KIAA1755: variants seen among roughly 807,000 people sequenced by gnomAD.
KIAA1755 encodes the protein uncharacterized protein KIAA1755.
In KIAA1755, 68 loss-of-function variants were observed where a neutral mutation model predicts 91.7. The observed-to-expected ratio is 0.74, with a 90% CI of 0.61 to 0.91. The LOEUF (loss-of-function observed/expected upper bound fraction) is 0.91. Among genes scored for constraint, KIAA1755 ranks in the 40% least tolerant of loss-of-function variants. The pLI, the probability that KIAA1755 is intolerant of heterozygous loss-of-function variation, is 0.00. For missense variants in KIAA1755, 1,535 were observed against 1,494.4 expected, an observed-to-expected ratio of 1.03 and a Z score of -0.45; for synonymous variants, 610 against 604.6, an observed-to-expected ratio of 1.01 and a Z score of -0.13.
At chr20:38,236,228 A>C (rs1002394799) in intron 4 of KIAA1755, among the ~76,000 whole-genome samples, 1 of 152,112 alleles carries the variant, frequency 6.6e-6, no homozygotes, top group Non-Finnish European at 1.5e-5. Flanking sequence ...GGGTGAGGGG[A>C]TGTGAAGTCA....
chr20:38,234,631 C>T (rs187192585), intron 4 of KIAA1755, among the ~76,000 whole-genome samples: 12 of 152,290 alleles, frequency 7.9e-5, no homozygotes, highest in South Asian at 2.1e-4. Context: ...TCCAAGGTCA[C>T]GCTGATGTAG....
intron 5 of KIAA1755, among the ~76,000 whole-genome samples, chr20:38,230,086 CCCCTCTAA>C (rs551308816): frequency 1.4e-4 from 21 of 152,318 alleles, no homozygotes; most frequent in Admixed American, 6.5e-4. Flanking sequence ...TGAGCAGCAT[CCCCTCTAA>C]GACTGCCCTG....
At chr20:38,243,185 G>A (rs371116584) in intron 2 of KIAA1755, among the ~76,000 whole-genome samples, 1 of 152,242 alleles carries the variant, frequency 6.6e-6, no homozygotes, top group Non-Finnish European at 1.5e-5. Context: ...GATGTGTGTA[G>A]GGGAGATGTA....
At position 38,241,389 on chromosome 20, in the gene KIAA1755, G is replaced by A; in HGVS notation, c.742C>T (p.Leu248Phe). The A allele has an allele frequency of 6.2e-7, 1 of 1,614,190 alleles. No individual in the cohort carries two copies. Among genetic ancestry groups the A allele is most frequent in the Admixed American group, 1.7e-5 (1 of 60,028 alleles). The change falls in exon 3 of 14, where the codon CTC becomes TTC. Residue 248 changes from leucine to phenylalanine, a missense_variant. Physicochemically the swap from Leu to Phe is conservative, Grantham distance 22. Transcript: ENST00000279024. ...CACCGGGCTTGCTCCACCTTGATGAGTCCTGGATACTTGCTCCCATATGTC... is the reference window on the plus strand; with the variant it reads ...CACCGGGCTTGCTCCACCTTGATGAATCCTGGATACTTGCTCCCATATGTC... ...GRTYGSKYPG[L>F]IKVEQARCGE...
At position 38,213,059 on chromosome 20, in the gene KIAA1755, G is replaced by C. The variant is rs759380183; in HGVS notation, c.3586C>G (p.Pro1196Ala). The change falls in exon 14 of 14, where the codon CCC (proline) becomes GCC (alanine). Residue 1196 changes from proline to alanine, a missense_variant. Transcript: ENST00000279024. ...CCTCTCAGCTAGAGGGAGGCAAGGGGACTTGTCTGGGGTGAGTCCTCAAGG... is the reference window on the plus strand; with the variant it reads ...CCTCTCAGCTAGAGGGAGGCAAGGGCACTTGTCTGGGGTGAGTCCTCAAGG... The part of the protein sequence containing the change: ...TSLEDSPQTS[P>A]LASL The C allele has an allele frequency of 6.5e-7, 1 of 1,545,412 alleles. No homozygotes were observed. The highest frequency in any genetic ancestry group is 1.2e-5 in the South Asian group (1 of 80,810).
At chr20:38,224,930 C>A (rs767918157) in intron 8 of KIAA1755, among the ~76,000 whole-genome samples, 2 of 152,172 alleles carry the variant, frequency 1.3e-5, no homozygotes, top group Admixed American at 1.3e-4. Flanking sequence ...AGGAGGGAAC[C>A]AGACCCTGAG....
At chr20:38,219,865 C>T (rs2075626757) in intron 10 of KIAA1755, 97 bp from the exon 11 acceptor site, 6 of 1,482,776 alleles carry the variant, frequency 4.0e-6, no homozygotes, top group Admixed American at 2.0e-5. Context: ...CTCTGTGGCC[C>T]CAGCCTGGGT....
intron 13 of KIAA1755, among the ~76,000 whole-genome samples, chr20:38,214,758 T>C (rs2075515657): frequency 1.3e-5 from 2 of 152,208 alleles, no homozygotes; most frequent in African/African-American, 4.8e-5. Context: ...CTGTCCCCGC[T>C]TCCCCCACAA....
At position 38,240,667 on chromosome 20, in the gene KIAA1755, T is replaced by C; in HGVS notation, c.1464A>G (p.Lys488=). ...AGGGCCCATTGTGCTGGAGTGAGGC[T>C]TTCTCCGGGGTCACAGAGGGTTGCC... ...GQRQPSVTPE[K]ASLQHNGPWK... The change falls in exon 3 of 14, where the codon AAA becomes AAG. Residue 488 remains lysine, a synonymous_variant. Transcript: ENST00000279024. 6.5e-7 allele frequency: 1 copy of C among 1,542,676 alleles called. No individual in the cohort carries two copies. Among genetic ancestry groups the C allele is most frequent in the Admixed American group, 2.0e-5 (1 of 48,914 alleles).
chr20:38,230,507 C>A (rs2075840575), intron 5 of KIAA1755, among the ~76,000 whole-genome samples: 1 of 152,226 alleles, frequency 6.6e-6, no homozygotes, highest in Non-Finnish European at 1.5e-5. Flanking sequence ...AGGTCCCACC[C>A]ACCTTCATCA....
In KIAA1755 at chr20:38,232,881, A is replaced by T. The variant is rs1007491116; in HGVS notation, c.1748-1556T>A. On this transcript the variant is annotated intron_variant, in intron 4 of 13. Coordinates refer to ENST00000279024, the MANE Select transcript of KIAA1755 (RefSeq NM_001029864.2). ...GCCTGTAATCCCAGCATTTTGGGAG[A>T]CCAAGGTAAGAGAATGGCTTGAGCT... Among the ~76,000 whole-genome samples the T allele has an allele frequency of 1.3e-4, 20 of 152,056 alleles. No individual in the cohort carries two copies. The East Asian group carries it at 2.9e-3, about 22-fold the overall frequency.
intron 1 of KIAA1755, among the ~76,000 whole-genome samples, chr20:38,246,721 C>T (rs2076167707): frequency 6.6e-6 from 1 of 152,180 alleles, no homozygotes; most frequent in Non-Finnish European, 1.5e-5. Context: ...AGCTGCCTCC[C>T]ATGGACCTCC....
Position 38,218,241 on chromosome 20 carries a change from C to T in KIAA1755, c.2679+3G>A, listed in dbSNP as rs2075587280. 2 of 1,614,090 alleles carry T rather than the reference C, an allele frequency of 1.2e-6. No homozygotes were observed. The highest frequency in any genetic ancestry group is 2.2e-5 in the East Asian group (1 of 44,898). On this transcript the variant is annotated splice_donor_region_variant and intron_variant, in intron 12 of 13. Transcript: ENST00000279024. ...TCCTGCTCCTCTGTTGTCTGGAACGCACTGCAGCCTGGAGGAAGAAGTTCT... is the reference window on the plus strand; with the variant it reads ...TCCTGCTCCTCTGTTGTCTGGAACGTACTGCAGCCTGGAGGAAGAAGTTCT...
chr20:38,252,636 T>C (rs1199191263), intron 1 of KIAA1755, among the ~76,000 whole-genome samples: 3 of 152,182 alleles, frequency 2.0e-5, no homozygotes, highest in Non-Finnish European at 2.9e-5. Context: ...CTGCCTGTCC[T>C]TCCCAGTTTC....
chr20:38,231,193 G>T lies in KIAA1755; in HGVS notation c.1871+9C>A, dbSNP rs1464148040. 1 of 1,610,896 alleles carries T rather than the reference G, an allele frequency of 6.2e-7. No homozygotes were observed. Among genetic ancestry groups the T allele is most frequent in the Middle Eastern group, 1.7e-4 (1 of 5,996 alleles). On this transcript the variant is annotated intron_variant, in intron 5 of 13. Transcript: ENST00000279024. ...GGGATGGAGCAGTCAGGGTGGCCCA[G>T]ATCCTTACCTGGGGATGGTACACAG...
In KIAA1755 at chr20:38,213,631, A is replaced by G. The variant is rs140714999; in HGVS notation, c.3014T>C (p.Leu1005Pro). Reference sequence around the variant, plus strand: ...CTTCTCAGCAGGGAACTCAGATGCCAGTCGCTGCAGGTAGCGGTGGAGGCG... The same window carrying G: ...CTTCTCAGCAGGGAACTCAGATGCCGGTCGCTGCAGGTAGCGGTGGAGGCG... Reference protein sequence around the residue: ...QRRLHRYLQRLASEFPAEKLA... With the variant: ...QRRLHRYLQRPASEFPAEKLA... The change falls in exon 14 of 14, where the codon CTG becomes CCG. Residue 1005 changes from leucine (L) to proline (P), a missense_variant. Leu to Pro is a moderately conservative substitution (Grantham distance 98). Coordinates refer to ENST00000279024, the MANE Select transcript of KIAA1755 (RefSeq NM_001029864.2). 8.1e-6 allele frequency: 13 copies of G among 1,611,164 alleles called. No individual in the cohort carries two copies. In the African/African-American group the frequency reaches 1.6e-4, roughly 20 times the overall value.
chr20:38,226,381 A>C (rs2075756956), intron 7 of KIAA1755, among the ~76,000 whole-genome samples: 1 of 152,156 alleles, frequency 6.6e-6, no homozygotes, highest in South Asian at 2.1e-4. Context: ...TGCTACTCAA[A>C]GTGTGGTCCA....
chr20:38,254,609 G>C (rs2076307719), intron 1 of KIAA1755, among the ~76,000 whole-genome samples: 1 of 151,918 alleles, frequency 6.6e-6, no homozygotes, highest in African/African-American at 2.4e-5. Context: ...CCAACATAGT[G>C]ACAGCCTGTC....
intron 13 of KIAA1755, 54 bp from the exon 14 acceptor site, chr20:38,213,797 G>C: frequency 7.7e-7 from 1 of 1,297,906 alleles, no homozygotes; most frequent in African/African-American, 1.5e-5. Flanking sequence ...TGGGACCATG[G>C]AGGACTGAAT....
Sources: allele counts gnomAD v4.1 joint callset (sites outside exome capture counted in the v4.1 genomes callset), GRCh38; gene constraint gnomAD v4.1.1; transcripts MANE v1.5; gene names NCBI Gene and HGNC (gene_info 2026-07-23, HGNC 2026-07-21).